The following HSD3B1 variants were observed in gnomAD, a reference collection of about 807,000 sequenced individuals.
HSD3B1 encodes the protein hydroxy-delta-5-steroid dehydrogenase, 3 beta- and steroid delta-isomerase 1.
HSD3B1 carries 11 observed loss-of-function variants against 10.4 expected under a neutral mutation model. The observed-to-expected ratio is 1.05, with a 90% CI of 0.66 to 1.75. HSD3B1 has a LOEUF of 1.75. Ranked by LOEUF, HSD3B1 falls within the 40% of genes most tolerant of loss-of-function variation. HSD3B1 has a pLI of 0.00. For synonymous variants in HSD3B1, 217 were observed against 185.4 expected (o/e 1.17, Z -1.39); for missense variants, 490 against 454.5 (o/e 1.08, Z -0.71).
intron 2 of HSD3B1, among the ~76,000 whole-genome samples, chr1:119,510,172 G>A (rs1653893117): frequency 6.6e-6 from 1 of 152,210 alleles, no homozygotes; most frequent in Non-Finnish European, 1.5e-5. Context: ...CTAATTCCAG[G>A]TGACAACCTT....
Position 119,513,900 on chromosome 1 carries a change from T to C in HSD3B1, c.377T>C (p.Ile126Thr), listed in dbSNP as rs1654018030. Residue 126 changes from isoleucine (I) to threonine (T), a missense_variant, in exon 4 of 4, where the codon ATA becomes ACA. Physicochemically the swap from Ile to Thr is moderately conservative, Grantham distance 89 (BLOSUM62 -1). Coordinates refer to ENST00000369413, the MANE Select transcript of HSD3B1 (RefSeq NM_000862.3). Reference sequence around the variant, plus strand: ...CCAGTCTTCATCTACACCAGTAGCATAGAGGTAGCCGGGCCCAACTCCTAC... The same window carrying C: ...CCAGTCTTCATCTACACCAGTAGCACAGAGGTAGCCGGGCCCAACTCCTAC... ...SVPVFIYTSS[I>T]EVAGPNSYKE... 1.2e-6 allele frequency: 2 copies of C among 1,613,878 alleles called. No homozygotes were observed. Among genetic ancestry groups the C allele is most frequent in the South Asian group, 1.1e-5 (1 of 91,082 alleles).
chr1:119,508,370 TA>T lies in HSD3B1; in HGVS notation c.145+762del, dbSNP rs71074421. Among the ~76,000 whole-genome samples, 1,289 of 140,538 alleles carry T rather than the reference TA, an allele frequency of 9.2e-3. 15 individuals carry two copies. Among genetic ancestry groups the T allele is most frequent in the African/African-American group, 0.03 (1,149 of 38,264 alleles). The allele number at this position is 140,538 out of a possible 152,430, so 92.2% of individuals were successfully genotyped here. The stretch of plus-strand genomic sequence containing the variant: ...AGATTTTGCATATATGGCTTTTTTT[TA>T]AAAAAAAAAAAACAAAACATTTACC... On this transcript the variant is annotated intron_variant, in intron 2 of 3. Coordinates refer to ENST00000369413, the MANE Select transcript of HSD3B1 (RefSeq NM_000862.3).
In HSD3B1 at chr1:119,514,055, G is replaced by T; in HGVS notation, c.532G>T (p.Gly178Cys). ...AANGWNLKNG[G>C]TLYTCALRPM... Reference sequence around the variant, plus strand: ...TAACGGGTGGAATCTGAAAAACGGCGGCACCCTGTACACTTGTGCCTTACG... The same window carrying T: ...TAACGGGTGGAATCTGAAAAACGGCTGCACCCTGTACACTTGTGCCTTACG... The change falls in exon 4 of 4, where the codon GGC (glycine) becomes TGC (cysteine). Residue 178 changes from glycine (G) to cysteine (C), a missense_variant. Coordinates refer to ENST00000369413, the MANE Select transcript of HSD3B1 (RefSeq NM_000862.3). 1 of 1,614,038 alleles carries T rather than the reference G, an allele frequency of 6.2e-7. No individual in the cohort carries two copies.
intron 2 of HSD3B1, among the ~76,000 whole-genome samples, chr1:119,508,472 G>A (rs1653850672): frequency 6.6e-6 from 1 of 152,086 alleles, no homozygotes; most frequent in Non-Finnish European, 1.5e-5. Flanking sequence ...GCCCCAAGAG[G>A]CAGGTAGAAA....
At chr1:119,507,342 GA>G in intron 1 of HSD3B1, 49 bp from the exon 2 acceptor site, 1 of 839,404 alleles carries the variant, frequency 1.2e-6, no homozygotes, top group Non-Finnish European at 1.9e-6. Context: ...TGGGGTGGAG[GA>G]AAATGAGGCA....
chr1:119,507,822 A>G (rs777014648), intron 2 of HSD3B1: 20 of 534,536 alleles, frequency 3.7e-5, no homozygotes, highest in Non-Finnish European at 6.2e-5. Flanking sequence ...TCCAGAGACT[A>G]GATTCTGGCC....
rs71074423 is a variant in HSD3B1, at chr1:119,512,581, G to GA, written c.310+925dup. Among the ~76,000 whole-genome samples the GA allele has an allele frequency of 5.2e-3, 761 of 146,640 alleles. 4 individuals carry two copies. The highest frequency in any genetic ancestry group is 6.9e-3 in the Middle Eastern group (2 of 288). On this transcript the variant is annotated intron_variant, in intron 3 of 3. Transcript: ENST00000369413. ...CTTTTGAGTCTCCAGCACCATAAAAGAAAAAAAAAAACAACTTCCAGTTTC... is the reference window on the plus strand; with the variant it reads ...CTTTTGAGTCTCCAGCACCATAAAAGAAAAAAAAAAAACAACTTCCAGTTTC...
intron 3 of HSD3B1, among the ~76,000 whole-genome samples, chr1:119,513,286 T>G (rs191980361): frequency 6.6e-6 from 1 of 152,042 alleles, no homozygotes; most frequent in South Asian, 2.1e-4. Flanking sequence ...TGTGACAAAG[T>G]TTTATTAGAG....
Position 119,514,667 on chromosome 1 carries a change from C to T in HSD3B1, c.*22C>T. The T allele has an allele frequency of 1.2e-6, 2 of 1,610,358 alleles. No homozygotes were observed. The highest frequency in any genetic ancestry group is 1.7e-6 in the Non-Finnish European group (2 of 1,177,830). Reference sequence around the variant, plus strand: ...GTGATTTAAGGATGACAGAGATGTGCATGTGGGTATTGTTAGGAGATGTCA... The same window carrying T: ...GTGATTTAAGGATGACAGAGATGTGTATGTGGGTATTGTTAGGAGATGTCA... On this transcript the variant is annotated 3_prime_UTR_variant, in exon 4 of 4. Coordinates refer to ENST00000369413, the MANE Select transcript of HSD3B1 (RefSeq NM_000862.3).
At chr1:119,512,460 C>T (rs955755858) in intron 3 of HSD3B1, among the ~76,000 whole-genome samples, 4 of 152,138 alleles carry the variant, frequency 2.6e-5, no homozygotes, top group Non-Finnish European at 2.9e-5. Flanking sequence ...CCTCTGATCT[C>T]CAGAGTCCAG....
chr1:119,507,654 C>T (rs773358747), intron 2 of HSD3B1, 33 bp downstream of exon 2: 1 of 1,609,836 alleles, frequency 6.2e-7, no homozygotes, highest in Admixed American at 1.7e-5. Flanking sequence ...TGTGTGGTTC[C>T]ATCTTAAACA....
chr1:119,509,102 G>T (rs1245458074), intron 2 of HSD3B1, among the ~76,000 whole-genome samples: 2 of 152,186 alleles, frequency 1.3e-5, no homozygotes, highest in African/African-American at 2.4e-5. Context: ...CCAAAGGTTT[G>T]CCAACTCATT....
intron 2 of HSD3B1, among the ~76,000 whole-genome samples, chr1:119,508,924 T>G (rs1164199366): frequency 6.6e-6 from 1 of 152,236 alleles, no homozygotes; most frequent in African/African-American, 2.4e-5. Flanking sequence ...TGCCTGTGTC[T>G]CAGCAATATT....
At chr1:119,509,875 C>A (rs1160914869) in intron 2 of HSD3B1, among the ~76,000 whole-genome samples, 3 of 152,152 alleles carry the variant, frequency 2.0e-5, no homozygotes, top group Admixed American at 6.6e-5. Flanking sequence ...TATTAAACAA[C>A]AGAAAAGTTG....
chr1:119,509,347 T>TAGTCTACATAAAACACTTGCCA (rs1481638571), intron 2 of HSD3B1, among the ~76,000 whole-genome samples: 5 of 152,194 alleles, frequency 3.3e-5, no homozygotes, highest in African/African-American at 1.2e-4. Context: ...CAACTCCATT[T>TAGTCTACATAAAACACTTGCCA]AGTCTACATA....
At chr1:119,512,297 T>A (rs1653960435) in intron 3 of HSD3B1, among the ~76,000 whole-genome samples, 1 of 152,220 alleles carries the variant, frequency 6.6e-6, no homozygotes, top group East Asian at 1.9e-4. Context: ...CCACAGGGCC[T>A]ACTATTCCAG....
rs1204901653 is a variant in HSD3B1, at chr1:119,514,459, A to G, written c.936A>G (p.Arg312=). ...SFLLRPIYTY[R]PPFNRHIVTL... Reference sequence around the variant, plus strand: ...TACTCAGGCCAATTTACACCTATCGACCGCCCTTCAACCGCCACATAGTCA... The same window carrying G: ...TACTCAGGCCAATTTACACCTATCGGCCGCCCTTCAACCGCCACATAGTCA... The change falls in exon 4 of 4, where the codon CGA becomes CGG. Residue 312 remains arginine, a synonymous_variant. Transcript: ENST00000369413. 2 of 1,613,852 alleles carry G rather than the reference A, an allele frequency of 1.2e-6. No homozygotes were observed. Among genetic ancestry groups the G allele is most frequent in the East Asian group, 2.2e-5 (1 of 44,874 alleles).
chr1:119,513,673 G>A (rs1352712848), intron 3 of HSD3B1, among the ~76,000 whole-genome samples, 161 bp from the exon 4 acceptor site: 1 of 152,118 alleles, frequency 6.6e-6, no homozygotes, highest in African/African-American at 2.4e-5. Context: ...TCTTATGGCT[G>A]TAGTACGACC....
Sources: allele counts gnomAD v4.1 joint callset (sites outside exome capture counted in the v4.1 genomes callset), GRCh38; gene constraint gnomAD v4.1.1; transcripts MANE v1.5; gene names NCBI Gene and HGNC (gene_info 2026-07-23, HGNC 2026-07-21).